AP3B2: variants seen among roughly 807,000 people sequenced by gnomAD.
AP3B2 encodes the protein AP-3 complex subunit beta-2.
AP3B2 carries 50 observed loss-of-function variants against 126.9 expected under a neutral mutation model. The observed-to-expected ratio is 0.39, with a 90% confidence interval of 0.31 to 0.50. The LOEUF (loss-of-function observed/expected upper bound fraction) is 0.50, where lower values mean the gene tolerates loss of function less well. Ranked by LOEUF, AP3B2 falls within the 20% of genes least tolerant of loss-of-function variation. AP3B2 has a pLI of 0.79. For missense variants in AP3B2, 1,177 were observed against 1,426.4 expected, an observed-to-expected ratio of 0.83 and a Z score of 2.82; for synonymous variants, 541 against 565.0, an observed-to-expected ratio of 0.96 and a Z score of 0.60.
intron 15 of AP3B2, 73 bp downstream of exon 15, chr15:82,666,674 A>G: frequency 2.7e-6 from 4 of 1,499,764 alleles, no homozygotes; most frequent in Non-Finnish European, 3.6e-6. Context: ...GGCCTCAGGA[A>G]GGTCTGGGGC....
intron 13 of AP3B2, among the ~76,000 whole-genome samples, chr15:82,677,027 T>G (rs2048253712): frequency 1.3e-5 from 2 of 152,320 alleles, no homozygotes; most frequent in Non-Finnish European, 1.5e-5. Context: ...CAACCATGGT[T>G]GGCTAGAGCT....
intron 1 of AP3B2, 55 bp downstream of exon 1, chr15:82,709,539 C>G: frequency 7.5e-7 from 1 of 1,324,620 alleles, no homozygotes; most frequent in South Asian, 1.6e-5. Context: ...GCCCGCGCGC[C>G]TCGCCCGGTC....
intron 14 of AP3B2, among the ~76,000 whole-genome samples, chr15:82,667,535 A>T (rs1368050013): frequency 1.1e-4 from 16 of 152,226 alleles, no homozygotes; most frequent in Non-Finnish European, 1.5e-5. Context: ...AAGGTCATGT[A>T]GGGTTCACAG....
chr15:82,688,234 C>T (rs568977076), intron 4 of AP3B2: 120 of 578,178 alleles, frequency 2.1e-4, no homozygotes, highest in African/African-American at 2.0e-3. Context: ...TTAGACTAAC[C>T]AGAAAAGCCC....
chr15:82,688,376 G>T, intron 4 of AP3B2: 1 of 700,362 alleles, frequency 1.4e-6, no homozygotes, highest in Non-Finnish European at 2.6e-6. Flanking sequence ...ACCTGGCTGT[G>T]GACCACAATT....
intron 1 of AP3B2, among the ~76,000 whole-genome samples, chr15:82,698,205 C>T (rs957655852): frequency 4.6e-5 from 7 of 151,810 alleles, no homozygotes; most frequent in African/African-American, 1.7e-4. Context: ...CATAAACCCA[C>T]GCACACCCAC....
At position 82,681,539 on chromosome 15, in the gene AP3B2, G is replaced by A. The variant is rs374023225; in HGVS notation, c.402C>T (p.Leu134=). 5.0e-6 allele frequency: 8 copies of A among 1,613,816 alleles called. No homozygotes were observed. Among genetic ancestry groups the A allele is most frequent in the Non-Finnish European group, 5.9e-6 (7 of 1,179,882 alleles). ...CTATGATGGGCACACGGATGCTAGA[G>A]AGGACACGGAGGGCACTGGCACGAA... ...QLIRASALRV[L]SSIRVPIIVP... Residue 134 remains leucine, a synonymous_variant, in exon 5 of 27, where the codon CTC becomes CTT. Coordinates refer to ENST00000535359, the MANE Select transcript of AP3B2 (RefSeq NM_001278512.2). The surrounding 1 kb of genome is among the most constrained non-coding windows in gnomAD (Gnocchi z 4.0).
chr15:82,681,597 A>T lies in AP3B2; in HGVS notation c.361-17T>A, dbSNP rs1475890046. On this transcript the variant is annotated splice_polypyrimidine_tract_variant and intron_variant, in intron 4 of 26. Transcript: ENST00000535359. The surrounding 1 kb of genome is among the most constrained non-coding windows in gnomAD (Gnocchi z 4.0). ...GTTGGGATCCTAAAGGCAGAGGTGG[A>T]GGCAGAGCTATGAAAGGGCACCAGG... 6.2e-7 allele frequency: 1 copy of T among 1,609,990 alleles called. No homozygotes were observed. Among genetic ancestry groups the T allele is most frequent in the Non-Finnish European group, 8.5e-7 (1 of 1,178,842 alleles).
Position 82,665,274 on chromosome 15 carries a change from G to T in AP3B2, c.2001C>A (p.His667Gln), listed in dbSNP as rs763435947. The change falls in exon 17 of 27, where the codon CAC becomes CAA. Residue 667 changes from histidine (H) to glutamine (Q), a missense_variant. Around this residue, in one of 5 missense-constraint regions of AP3B2, gnomAD observed 587 missense variants for 571.3 expected, o/e 1.03. Coordinates refer to ENST00000535359, the MANE Select transcript of AP3B2 (RefSeq NM_001278512.2). This position sits in a 1 kb window ranked among gnomAD's most constrained non-coding sequence, Gnocchi z 4.4. ...CAGTGTATTCGCCCAACAGGCCCAC[G>T]TGAGTCTCAATAAGGGAGAGATCTT... ...EEEDLSLIET[H>Q]VGLLGEYTEV... 1 of 1,544,884 alleles carries T rather than the reference G, an allele frequency of 6.5e-7. No homozygotes were observed. Among genetic ancestry groups the T allele is most frequent in the South Asian group, 1.2e-5 (1 of 85,264 alleles).
chr15:82,706,840 A>C (rs903458839), intron 1 of AP3B2, among the ~76,000 whole-genome samples: 1 of 152,120 alleles, frequency 6.6e-6, no homozygotes, highest in African/African-American at 2.4e-5. Flanking sequence ...ATCACTTCTC[A>C]GTGTTCCATC....
chr15:82,663,311 C>G (rs781118343), intron 21 of AP3B2, 78 bp from the exon 22 acceptor site: 8 of 1,200,386 alleles, frequency 6.7e-6, no homozygotes, highest in Non-Finnish European at 9.7e-6. Flanking sequence ...GATCAAGGAG[C>G]ACGCATTTCA....
intron 4 of AP3B2, among the ~76,000 whole-genome samples, chr15:82,684,522 C>T (rs1164034694): frequency 1.3e-5 from 2 of 152,176 alleles, no homozygotes; most frequent in Non-Finnish European, 2.9e-5. Flanking sequence ...TCTATCCAGA[C>T]CACTTAAATT....
At chr15:82,700,318 A>G (rs2048698177) in intron 1 of AP3B2, among the ~76,000 whole-genome samples, 1 of 146,456 alleles carries the variant, frequency 6.8e-6, no homozygotes, top group Admixed American at 7.0e-5. Flanking sequence ...CCCTGTGTCT[A>G]TCCCTCCAAC....
chr15:82,706,842 T>C (rs936151064), intron 1 of AP3B2, among the ~76,000 whole-genome samples: 36 of 152,184 alleles, frequency 2.4e-4, no homozygotes, highest in Admixed American at 1.9e-3. Context: ...CACTTCTCAG[T>C]GTTCCATCTG....
At chr15:82,709,352 C>T (rs2048842913) in intron 1 of AP3B2, among the ~76,000 whole-genome samples, 1 of 152,118 alleles carries the variant, frequency 6.6e-6, no homozygotes, top group South Asian at 2.1e-4. Flanking sequence ...ACTGAGCTGG[C>T]CCATCCCCCG....
At position 82,665,514 on chromosome 15, in the gene AP3B2, G is replaced by A. The variant is rs2048042651; in HGVS notation, c.1914C>T (p.Tyr638=). 1.2e-6 allele frequency: 2 copies of A among 1,613,854 alleles called. No homozygotes were observed. The highest frequency in any genetic ancestry group is 2.7e-5 in the African/African-American group (2 of 74,964). The change falls in exon 16 of 27, where the codon TAC becomes TAT. Residue 638 remains tyrosine, a synonymous_variant. Transcript: ENST00000535359. This position sits in a 1 kb window ranked among gnomAD's most constrained non-coding sequence, Gnocchi z 4.4. The part of the protein sequence containing the change: ...SHLLNAKATG[Y]QELPDWPEEA... ...CCTCCGGCCAGTCTGGGAGCTCCTG[G>A]TAGCCTGTGGCCTTGGCATTAAGCA...
rs1056797481 is a variant in AP3B2, at chr15:82,681,276, G to T, written c.522-98C>A. 2.6e-6 allele frequency: 4 copies of T among 1,520,656 alleles called. No individual in the cohort carries two copies. The highest frequency in any genetic ancestry group is 3.6e-6 in the Non-Finnish European group (4 of 1,118,088). 94.2% of individuals were successfully genotyped at this position (1,520,656 alleles called of 1,614,324 possible). The stretch of plus-strand genomic sequence containing the variant: ...TCACCTCCTGCACCCCAGCCTTATT[G>T]TTCTCCTCCATCTCTGTCAGTCCCC... On this transcript the variant is annotated intron_variant, in intron 5 of 26. Coordinates refer to ENST00000535359, the MANE Select transcript of AP3B2 (RefSeq NM_001278512.2). This position sits in a 1 kb window ranked among gnomAD's most constrained non-coding sequence, Gnocchi z 4.0.
intron 1 of AP3B2, among the ~76,000 whole-genome samples, chr15:82,702,929 C>T (rs1344076086): frequency 6.6e-6 from 1 of 152,198 alleles, no homozygotes; most frequent in African/African-American, 2.4e-5. Context: ...ATCAGGTAAG[C>T]GGCCTCTTTT....
At position 82,680,387 on chromosome 15, in the gene AP3B2, T is replaced by G; in HGVS notation, c.1055+85A>C. ...GCGGGTGGGCAGAGGTGGAAGCGGC[T>G]GGTGGGCGTGAGGGGGCGGAGCCGG... is the stretch of plus-strand genomic sequence containing the variant. On this transcript the variant is annotated intron_variant, in intron 8 of 26. Coordinates refer to ENST00000535359, the MANE Select transcript of AP3B2 (RefSeq NM_001278512.2). The surrounding 1 kb of genome is among the most constrained non-coding windows in gnomAD (Gnocchi z 6.1). 1 of 1,384,348 alleles carries G rather than the reference T, an allele frequency of 7.2e-7. No individual in the cohort carries two copies. Among genetic ancestry groups the G allele is most frequent in the Admixed American group, 2.5e-5 (1 of 40,282 alleles). 85.8% of individuals were successfully genotyped at this position (1,384,348 alleles called of 1,614,324 possible). A position where few individuals can be genotyped will look rare whatever the true frequency, so the allele number is the denominator to read the frequency against.
Sources: gnomAD v4.1 joint callset for allele counts (sites outside exome capture counted in the v4.1 genomes callset) on GRCh38, gnomAD v4.1.1 for gene constraint, gnomAD v4.1.1 regional missense constraint, Gnocchi (gnomAD v3.1) non-coding constraint, MANE v1.5 for transcripts, NCBI Gene and HGNC (gene_info 2026-07-23, HGNC 2026-07-21) for gene names.